Variants in TTYH2 observed in about 807,000 individuals in gnomAD.
TTYH2 encodes tweety family member 2, also known as protein tweety homolog 2.
Under a neutral mutation model 68.3 loss-of-function variants are expected in TTYH2, and 49 were observed. The ratio of observed to expected loss-of-function variants is 0.72; its 90% confidence interval spans 0.57 to 0.91. The LOEUF is 0.91. Among genes scored for constraint, TTYH2 ranks in the 40% least tolerant of loss-of-function variants. TTYH2 has a pLI of 0.00. For missense variants in TTYH2, 631 were observed against 700.4 expected, an observed-to-expected ratio of 0.90 and a Z score of 1.12; for synonymous variants, 272 against 300.8, an observed-to-expected ratio of 0.90 and a Z score of 0.99.
intron 6 of TTYH2, among the ~76,000 whole-genome samples, chr17:74,245,524 G>A (rs2050548518): frequency 6.6e-6 from 1 of 152,222 alleles, no homozygotes; most frequent in Admixed American, 6.5e-5. Context: ...GCCCCTCCCA[G>A]TGGGGGCTCC....
intron 6 of TTYH2, among the ~76,000 whole-genome samples, chr17:74,244,623 A>G (rs997406617): frequency 6.6e-6 from 1 of 151,858 alleles, no homozygotes; most frequent in Admixed American, 6.5e-5. Flanking sequence ...GGGGCTTCCT[A>G]TGCGGGTCCA....
chr17:74,261,364 C>G lies in TTYH2; in HGVS notation c.*1155C>G, dbSNP rs190927884. The G allele has an allele frequency of 3.7e-4, 57 of 152,374 alleles. No individual in the cohort carries two copies. Among genetic ancestry groups the G allele is most frequent in the African/African-American group, 1.3e-3 (53 of 41,572 alleles). 9.4% of individuals were successfully genotyped at this position (152,374 alleles called of 1,614,324 possible). ...GCCAAATGCCTACATCAGCTGTCCC[C>G]TCCCTGTTGTCTCCAAGTAAGTTTG... On this transcript the variant is annotated 3_prime_UTR_variant, in exon 14 of 14. Coordinates refer to ENST00000269346, the MANE Select transcript of TTYH2 (RefSeq NM_032646.6).
At chr17:74,246,998 C>T (rs2050564848) in intron 6 of TTYH2, among the ~76,000 whole-genome samples, 2 of 152,016 alleles carry the variant, frequency 1.3e-5, no homozygotes, top group African/African-American at 4.8e-5. Flanking sequence ...GCCTGACCAA[C>T]ATGCCAGAAC....
At position 74,252,443 on chromosome 17, in the gene TTYH2, C is replaced by A. The variant is rs903806697; in HGVS notation, c.1259+67C>A. ...GTTCTGGGAGAGCAGCAGACAGGGG[C>A]CTCTGCTCTACGATTTAGCTGATAA... On this transcript the variant is annotated intron_variant, in intron 11 of 13. Transcript: ENST00000269346. The A allele has an allele frequency of 2.2e-5, 35 of 1,560,050 alleles. No individual in the cohort carries two copies. In the African/African-American group the frequency reaches 3.1e-4, roughly 14 times the overall value.
At chr17:74,221,801 G>A (rs955670141) in intron 1 of TTYH2, among the ~76,000 whole-genome samples, 11 of 152,182 alleles carry the variant, frequency 7.2e-5, no homozygotes, top group Non-Finnish European at 1.6e-4. Context: ...CTGGTGGGGT[G>A]CAGTGGAAGG....
Position 74,213,791 on chromosome 17 carries a change from C to T in TTYH2, c.129+75C>T. ...CACTACCCCCTCTCCCCTCGAGAGC[C>T]TGCACTTTCCCACGTGCCTCTCAGA... On this transcript the variant is annotated intron_variant, in intron 1 of 13. Coordinates refer to ENST00000269346, the MANE Select transcript of TTYH2 (RefSeq NM_032646.6). This position sits in a 1 kb window ranked among gnomAD's most constrained non-coding sequence, Gnocchi z 6.1. 2 of 1,541,672 alleles carry T rather than the reference C, an allele frequency of 1.3e-6. No individual in the cohort carries two copies. The highest frequency in any genetic ancestry group is 1.2e-5 in the South Asian group (1 of 84,188).
intron 3 of TTYH2, 103 bp downstream of exon 3, chr17:74,231,102 G>A: frequency 5.5e-6 from 6 of 1,093,212 alleles, no homozygotes; most frequent in Non-Finnish European, 8.1e-6. Flanking sequence ...GCTGCACACG[G>A]AGGGGCTGTG....
chr17:74,253,137 G>T lies in TTYH2; in HGVS notation c.1316G>T (p.Arg439Leu). Residue 439 changes from arginine (R) to leucine (L), a missense_variant, in exon 12 of 14, where the codon CGC becomes CTC. Arg to Leu is a moderately radical substitution (Grantham distance 102, BLOSUM62 -2). Coordinates refer to ENST00000269346, the MANE Select transcript of TTYH2 (RefSeq NM_032646.6). ...GACCCCTTTAACCCCCAAGCCTGGCGCATGGCGGCTCACAGTCCCCCGAGG... is the reference window on the plus strand; with the variant it reads ...GACCCCTTTAACCCCCAAGCCTGGCTCATGGCGGCTCACAGTCCCCCGAGG... ...DDDPFNPQAW[R>L]MAAHSPPRGQ... 2 of 1,613,904 alleles carry T rather than the reference G, an allele frequency of 1.2e-6. No individual in the cohort carries two copies. The highest frequency in any genetic ancestry group is 1.1e-5 in the South Asian group (1 of 91,056).
rs78353489 is a variant in TTYH2, at chr17:74,241,263, G to A, written c.636-2111G>A. On this transcript the variant is annotated intron_variant, in intron 4 of 13. Transcript: ENST00000269346. This position sits in a 1 kb window ranked among gnomAD's most constrained non-coding sequence, Gnocchi z 4.1. ...TAGACAGACCCGGTATTTATAATAC[G>A]TGTGTGTGTGTGTGTGTGTGTGTGT... Among the ~76,000 whole-genome samples, 1,603 of 30,350 alleles carry A rather than the reference G, an allele frequency of 0.053. 28 individuals carry two copies. The highest frequency in any genetic ancestry group is 0.24 in the African/African-American group (1,515 of 6,274). The allele number at this position is 30,350 out of a possible 152,430, so 19.9% of individuals were successfully genotyped here. A position where few individuals can be genotyped will look rare whatever the true frequency, so the allele number is the denominator to read the frequency against.
At chr17:74,248,855 G>C in intron 6 of TTYH2, 156 bp from the exon 7 acceptor site, 2 of 1,469,458 alleles carry the variant, frequency 1.4e-6, no homozygotes, top group Non-Finnish European at 9.0e-7. Context: ...GGAAGGGGCA[G>C]AGCCAGGTTT....
rs749092738 is a variant in TTYH2, at chr17:74,249,976, T to A, written c.971T>A (p.Ile324Asn). The change falls in exon 9 of 14, where the codon ATC (isoleucine) becomes AAC (asparagine). Residue 324 changes from isoleucine (I) to asparagine (N), a missense_variant. Coordinates refer to ENST00000269346, the MANE Select transcript of TTYH2 (RefSeq NM_032646.6). Reference protein sequence around the residue: ...TFQRALTTMQIQVAGLLQFAV... With the variant: ...TFQRALTTMQNQVAGLLQFAV... ...CAGCGCGCACTTACCACCATGCAGA[T>A]CCAGGTCGCGGGGCTGCTGCAGTTT... is the stretch of plus-strand genomic sequence containing the variant. 1.2e-6 allele frequency: 2 copies of A among 1,614,090 alleles called. No homozygotes were observed. Among genetic ancestry groups the A allele is most frequent in the Admixed American group, 3.3e-5 (2 of 60,014 alleles).
chr17:74,218,090 C>G (rs2050238641), intron 1 of TTYH2, among the ~76,000 whole-genome samples: 1 of 150,156 alleles, frequency 6.7e-6, no homozygotes, highest in South Asian at 2.1e-4. Flanking sequence ...TGGGGACATG[C>G]AGTGTTAATT....
At chr17:74,253,379 A>C (rs1404185619) in intron 12 of TTYH2, 113 bp downstream of exon 12, 2 of 1,308,972 alleles carry the variant, frequency 1.5e-6, no homozygotes, top group Non-Finnish European at 2.1e-6. Context: ...CGTGGTCCCC[A>C]CTACAGCCAC....
chr17:74,256,057 C>T (rs2050691034), intron 13 of TTYH2, among the ~76,000 whole-genome samples: 1 of 152,172 alleles, frequency 6.6e-6, no homozygotes, highest in Admixed American at 6.5e-5. Flanking sequence ...GCAAGTGGAA[C>T]CCAGTCCCTG....
At position 74,260,293 on chromosome 17, in the gene TTYH2, C is replaced by A; in HGVS notation, c.*84C>A. On this transcript the variant is annotated 3_prime_UTR_variant, in exon 14 of 14. Transcript: ENST00000269346. ...CAAGCTGCGTTTCTTTAATAGAAAC[C>A]AAAGGCATCTGGAGCCCGAGAGGCC... 1 of 1,435,708 alleles carries A rather than the reference C, an allele frequency of 7.0e-7. No individual in the cohort carries two copies. Among genetic ancestry groups the A allele is most frequent in the Non-Finnish European group, 9.7e-7 (1 of 1,027,174 alleles). 88.9% of individuals were successfully genotyped at this position (1,435,708 alleles called of 1,614,324 possible).
Position 74,213,750 on chromosome 17 carries a change from G to A in TTYH2, c.129+34G>A, listed in dbSNP as rs1401401805. 2 of 1,602,324 alleles carry A rather than the reference G, an allele frequency of 1.2e-6. No homozygotes were observed. Among genetic ancestry groups the A allele is most frequent in the Non-Finnish European group, 1.7e-6 (2 of 1,174,060 alleles). ...ACGCCGCCCCAGACCGCAGCCACGC[G>A]CGCCCCAAGTCCCCGCACTACCCCC... On this transcript the variant is annotated intron_variant, in intron 1 of 13. Transcript: ENST00000269346. This position sits in a 1 kb window ranked among gnomAD's most constrained non-coding sequence, Gnocchi z 6.1.
In TTYH2 at chr17:74,215,574, C is replaced by A; in HGVS notation, c.129+1858C>A. On this transcript the variant is annotated intron_variant, in intron 1 of 13. Transcript: ENST00000269346. The surrounding 1 kb of genome is among the most constrained non-coding windows in gnomAD (Gnocchi z 4.3). ...CCCATCGGCCACTGCTCCTGGGCAGCTGACACCAGCCCTGCCCACTGGCTC... is the reference window on the plus strand; with the variant it reads ...CCCATCGGCCACTGCTCCTGGGCAGATGACACCAGCCCTGCCCACTGGCTC... 2.0e-6 allele frequency: 3 copies of A among 1,493,636 alleles called. No homozygotes were observed. The highest frequency in any genetic ancestry group is 2.7e-6 in the Non-Finnish European group (3 of 1,111,752). 92.5% of individuals were successfully genotyped at this position (1,493,636 alleles called of 1,614,324 possible). A position where few individuals can be genotyped will look rare whatever the true frequency, so the allele number is the denominator to read the frequency against.
At chr17:74,252,821 G>A (rs2050648166) in intron 11 of TTYH2, among the ~76,000 whole-genome samples, 1 of 152,226 alleles carries the variant, frequency 6.6e-6, no homozygotes, top group Admixed American at 6.5e-5. Context: ...GAGCGGATTA[G>A]GCAAGAGGAC....
In TTYH2 at chr17:74,222,803, C is replaced by A. The variant is rs1598214390; in HGVS notation, c.302+146C>A. 7.2e-6 allele frequency: 7 copies of A among 977,284 alleles called. No homozygotes were observed. In the East Asian group the frequency reaches 1.4e-4, roughly 20 times the overall value. The allele number at this position is 977,284 out of a possible 1,614,324, so 60.5% of individuals were successfully genotyped here. A position where few individuals can be genotyped will look rare whatever the true frequency, so the allele number is the denominator to read the frequency against. On this transcript the variant is annotated intron_variant, in intron 2 of 13. Transcript: ENST00000269346. This position sits in a 1 kb window ranked among gnomAD's most constrained non-coding sequence, Gnocchi z 5.2. ...AATGTTGTCCCTTTTTTTTTTTTTA[C>A]CAAGCATCAGGAATCAGATGCCTGG... is the stretch of plus-strand genomic sequence containing the variant.
Sources: gnomAD v4.1 joint callset for allele counts (sites outside exome capture counted in the v4.1 genomes callset) on GRCh38, gnomAD v4.1.1 for gene constraint, Gnocchi (gnomAD v3.1) non-coding constraint, MANE v1.5 for transcripts, NCBI Gene and HGNC (gene_info 2026-07-23, HGNC 2026-07-21) for gene names.